Variants in DNAH11 observed in about 807,000 individuals in gnomAD.
DNAH11 encodes axonemal beta dynein heavy chain 11.
In DNAH11, 442 loss-of-function variants were observed where a neutral mutation model predicts 526.0. The ratio of observed to expected loss-of-function variants is 0.84; its 90% confidence interval spans 0.78 to 0.91. The LOEUF (loss-of-function observed/expected upper bound fraction) is 0.91. DNAH11 is among the 40% of genes least tolerant of loss of function. DNAH11 has a pLI of 0.00. For synonymous variants in DNAH11, 2,461 were observed against 1,935.9 expected, an observed-to-expected ratio of 1.27 and a Z score of -7.12; for missense variants, 6,989 against 5,448.7, an observed-to-expected ratio of 1.28 and a Z score of -8.90.
At chr7:21,591,865 T>C (rs17144737) in intron 14 of DNAH11, among the ~76,000 whole-genome samples, 2,638 of 152,298 alleles carry the variant, frequency 0.017, 226 homozygotes, top group Admixed American at 0.14. Flanking sequence ...CTCTTTTGGA[T>C]GCTCCTTATA....
At position 21,589,334 on chromosome 7, in the gene DNAH11, C is replaced by T. The variant is rs756374306; in HGVS notation, c.2100C>T (p.Phe700=). 6.2e-6 allele frequency: 10 copies of T among 1,609,406 alleles called. No homozygotes were observed. The African/African-American group carries it at 8.0e-5, about 13-fold the overall frequency. Reference sequence around the variant, plus strand: ...GTAATGTGGATGAAATCTGTGAATTCAATTTGAATCAACCCTTGGTTAAAT... The same window carrying T: ...GTAATGTGGATGAAATCTGTGAATTTAATTTGAATCAACCCTTGGTTAAAT... ...WKSNVDEICE[F]NLNQPLVKFS... is the part of the protein sequence containing the mutation. The change falls in exon 12 of 82, where the codon TTC becomes TTT. Residue 700 remains phenylalanine, a synonymous_variant. Transcript: ENST00000409508.
chr7:21,628,217 C>A (rs559384404), intron 25 of DNAH11, among the ~76,000 whole-genome samples: 1 of 151,838 alleles, frequency 6.6e-6, no homozygotes, highest in South Asian at 2.1e-4. Context: ...TTTCTAAGTA[C>A]AAGATCATGT....
intron 56 of DNAH11, among the ~76,000 whole-genome samples, chr7:21,775,093 G>T (rs540581651): frequency 6.6e-6 from 1 of 152,074 alleles, no homozygotes; most frequent in South Asian, 2.1e-4. Context: ...GTCACTCTGG[G>T]CCAAAGCACC....
intron 58 of DNAH11, among the ~76,000 whole-genome samples, chr7:21,784,974 A>G (rs1423605702): frequency 6.6e-6 from 1 of 152,220 alleles, no homozygotes; most frequent in African/African-American, 2.4e-5. Context: ...AAAGATACCT[A>G]GGTTTGGTCC....
chr7:21,678,327 T>TCTATC (rs56001577), intron 30 of DNAH11, among the ~76,000 whole-genome samples: 84,576 of 151,410 alleles, frequency 0.56, 24,066 homozygotes, highest in African/African-American at 0.66. Context: ...GTAAGAGTCT[T>TCTATC]CTTTCTTCAC....
chr7:21,795,235 G>A (rs1241019359), intron 61 of DNAH11, among the ~76,000 whole-genome samples: 1 of 152,166 alleles, frequency 6.6e-6, no homozygotes, highest in African/African-American at 2.4e-5. Flanking sequence ...CACAAAACCA[G>A]TTGGCTGCTA....
intron 6 of DNAH11, among the ~76,000 whole-genome samples, chr7:21,565,095 A>C (rs1276009630): frequency 6.6e-6 from 1 of 152,188 alleles, no homozygotes; most frequent in Non-Finnish European, 1.5e-5. Flanking sequence ...GCCATAGCAA[A>C]GTACTATGGA....
intron 63 of DNAH11, among the ~76,000 whole-genome samples, chr7:21,809,355 T>G (rs569198667): frequency 6.6e-6 from 1 of 152,210 alleles, no homozygotes; most frequent in African/African-American, 2.4e-5. Flanking sequence ...ACTCTGTTGG[T>G]TGTTTCCTTT....
chr7:21,671,969 G>C (rs184857602), intron 30 of DNAH11, among the ~76,000 whole-genome samples: 150 of 152,322 alleles, frequency 9.8e-4, no homozygotes, highest in African/African-American at 3.5e-3. Flanking sequence ...GAAGTAGGAA[G>C]TGAACACTGA....
chr7:21,600,011 G>T lies in DNAH11; in HGVS notation c.2892G>T (p.Glu964Asp), dbSNP rs569413184. Residue 964 changes from glutamate to aspartate, a missense_variant, in exon 15 of 82, where the codon GAG becomes GAT. Coordinates refer to ENST00000409508, the MANE Select transcript of DNAH11 (RefSeq NM_001277115.2). ...TGTTTAAACCTTCCCTAGACAGAGA[G>T]GCTGGGGATGGCTTCTATGATCTTG... ...EIVFKPSLDR[E>D]AGDGFYDLVE... is the part of the protein sequence containing the mutation. The T allele has an allele frequency of 9.9e-6, 16 of 1,613,230 alleles. No individual in the cohort carries two copies. The East Asian group carries it at 3.1e-4, about 31-fold the overall frequency.
intron 2 of DNAH11, among the ~76,000 whole-genome samples, chr7:21,553,153 C>T (rs1484972088): frequency 2.1e-5 from 3 of 142,330 alleles, no homozygotes; most frequent in Non-Finnish European, 4.5e-5. Context: ...TTTTAACCCT[C>T]CCCTGTTGCC....
intron 61 of DNAH11, among the ~76,000 whole-genome samples, chr7:21,796,206 T>C (rs1295532861): frequency 6.6e-6 from 1 of 152,246 alleles, no homozygotes; most frequent in Non-Finnish European, 1.5e-5. Context: ...TATTTTCTTT[T>C]AACCGTGTTA....
intron 63 of DNAH11, among the ~76,000 whole-genome samples, chr7:21,815,501 G>C (rs1006252880): frequency 2.0e-5 from 3 of 152,094 alleles, no homozygotes; most frequent in African/African-American, 7.2e-5. Context: ...TCAGCATTTT[G>C]TTTTGAAGCT....
chr7:21,778,945 A>G lies in DNAH11; in HGVS notation c.9337-13A>G, dbSNP rs2127982479. 1 of 1,611,860 alleles carries G rather than the reference A, an allele frequency of 6.2e-7. No homozygotes were observed. Among genetic ancestry groups the G allele is most frequent in the Non-Finnish European group, 8.5e-7 (1 of 1,178,398 alleles). ...CAAGGCCAGTGACGTAAGAATAATGACTTTTGCTTTAGGTGGGAGATCTAA... is the reference window on the plus strand; with the variant it reads ...CAAGGCCAGTGACGTAAGAATAATGGCTTTTGCTTTAGGTGGGAGATCTAA... On this transcript the variant is annotated splice_polypyrimidine_tract_variant and intron_variant, in intron 56 of 81. Transcript: ENST00000409508.
chr7:21,833,034 A>G (rs983067452), intron 65 of DNAH11, among the ~76,000 whole-genome samples: 2 of 152,178 alleles, frequency 1.3e-5, no homozygotes, highest in Admixed American at 6.5e-5. Flanking sequence ...ACACCACACA[A>G]ATCTCTAAAT....
At chr7:21,839,436 G>A (rs1156733508) in intron 65 of DNAH11, among the ~76,000 whole-genome samples, 3 of 151,850 alleles carry the variant, frequency 2.0e-5, no homozygotes, top group Non-Finnish European at 2.9e-5. Flanking sequence ...TTAGCTGGGT[G>A]TGGTGGTGGG....
chr7:21,763,756 A>G (rs1453667205), intron 54 of DNAH11, among the ~76,000 whole-genome samples: 1 of 148,784 alleles, frequency 6.7e-6, no homozygotes, highest in Non-Finnish European at 1.5e-5. Context: ...AGCAACTAAA[A>G]TGTCCATCAA....
At position 21,854,354 on chromosome 7, in the gene DNAH11, G is replaced by A. The variant is rs1162112707; in HGVS notation, c.11101G>A (p.Ala3701Thr). The change falls in exon 68 of 82, where the codon GCC becomes ACC. Residue 3701 changes from alanine (A) to threonine (T), a missense_variant. By Grantham distance (58) the Ala-to-Thr change is moderately conservative. Transcript: ENST00000409508. ...AKENERKINE[A>T]RECYRPVAAR... ...AGAAAATGAAAGAAAAATCAACGAG[G>A]CCCGAGAATGTTACAGACCAGTGGC... The A allele has an allele frequency of 1.2e-6, 2 of 1,613,614 alleles. No homozygotes were observed. Among genetic ancestry groups the A allele is most frequent in the East Asian group, 2.2e-5 (1 of 44,852 alleles).
intron 2 of DNAH11, among the ~76,000 whole-genome samples, chr7:21,556,152 C>G (rs926565457): frequency 1.3e-5 from 2 of 152,148 alleles, no homozygotes; most frequent in Non-Finnish European, 2.9e-5. Flanking sequence ...TACCCTGGTC[C>G]CTTTCTCTGC....
Sources: allele counts gnomAD v4.1 joint callset (sites outside exome capture counted in the v4.1 genomes callset), GRCh38; gene constraint gnomAD v4.1.1; transcripts MANE v1.5; gene names NCBI Gene and HGNC (gene_info 2026-07-23, HGNC 2026-07-21).